LARGE1: variants seen among roughly 807,000 people sequenced by gnomAD.
LARGE1 encodes the protein xylosyl- and glucuronyltransferase LARGE1.
LARGE1 carries 43 observed loss-of-function variants against 87.6 expected under a neutral mutation model. That is an observed-to-expected ratio of 0.49 (90% CI 0.38 to 0.63). The LOEUF (loss-of-function observed/expected upper bound fraction) is 0.63. Ranked by LOEUF, LARGE1 falls within the 30% of genes least tolerant of loss-of-function variation. The probability of loss-of-function intolerance (pLI) is 0.00; values close to 1 mark genes in which losing one functional copy is unlikely to be tolerated. For missense variants in LARGE1, 802 were observed against 1,000.2 expected (o/e 0.80, Z 2.67); for synonymous variants, 434 against 394.6 (o/e 1.10, Z -1.18).
intron 1 of LARGE1, among the ~76,000 whole-genome samples, chr22:33,824,958 T>C (rs936103545): frequency 3.3e-5 from 5 of 152,210 alleles, no homozygotes; most frequent in African/African-American, 1.2e-4. Flanking sequence ...AATGCTATGT[T>C]CTACTACAGC....
intron 11 of LARGE1, among the ~76,000 whole-genome samples, chr22:33,267,139 C>G (rs1327689238): frequency 6.6e-6 from 1 of 151,646 alleles, no homozygotes; most frequent in Admixed American, 6.6e-5. Context: ...ACTCAGGAGG[C>G]TGAGGTACAA....
chr22:33,264,358 A>C (rs1355874109), intron 11 of LARGE1, among the ~76,000 whole-genome samples: 1 of 152,232 alleles, frequency 6.6e-6, no homozygotes, highest in Admixed American at 6.5e-5. Context: ...GCTTCTCCAT[A>C]GGAGGCACAC....
chr22:33,564,990 A>G lies in LARGE1; in HGVS notation c.645T>C (p.His215=), dbSNP rs746648829. Reference sequence around the variant, plus strand: ...TCATCAGACCATAAATCCCAGAGTAATGTTTATTGGGGATCCAGGAAACTT... The same window carrying G: ...TCATCAGACCATAAATCCCAGAGTAGTGTTTATTGGGGATCCAGGAAACTT... ...KSEVSWIPNK[H]YSGIYGLMKL... Residue 215 remains histidine (H), a synonymous_variant, in exon 6 of 15, where the codon CAT becomes CAC. Coordinates refer to ENST00000397394, the MANE Select transcript of LARGE1 (RefSeq NM_133642.5). 1 of 1,614,178 alleles carries G rather than the reference A, an allele frequency of 6.2e-7. No individual in the cohort carries two copies. Among genetic ancestry groups the G allele is most frequent in the Admixed American group, 1.7e-5 (1 of 60,030 alleles).
At chr22:33,094,320 TTGCACTAAGTGATCTTTTTACCAGGG>T in the LARGE1 span, among the ~76,000 whole-genome samples, 1 of 152,194 alleles carries the variant, frequency 6.6e-6, no homozygotes, top group Non-Finnish European at 1.5e-5. Context: ...GCACGGACCG[TTGCACTAAGTGATCTTTTTACCAGGG>T]CCCTGCCTCC....
intron 11 of LARGE1, among the ~76,000 whole-genome samples, chr22:33,267,239 C>A (rs1336509725): frequency 1.3e-5 from 2 of 151,564 alleles, no homozygotes; most frequent in African/African-American, 4.9e-5. Flanking sequence ...GACCCTGTCT[C>A]AAAAGAAAAC....
chr22:33,767,047 C>G (rs2084930595), intron 1 of LARGE1, among the ~76,000 whole-genome samples: 1 of 150,656 alleles, frequency 6.6e-6, no homozygotes, highest in South Asian at 2.1e-4. Flanking sequence ...GGCACAGTGG[C>G]TCACACCTGT....
At chr22:33,915,012 A>AACACACACACACACAC (rs71320998) in intron 1 of LARGE1, among the ~76,000 whole-genome samples, 3 of 139,134 alleles carry the variant, frequency 2.2e-5, no homozygotes, top group African/African-American at 8.1e-5. Context: ...TACAAACACA[A>AACACACACACACACAC]ACACACACAC....
At chr22:33,697,810 T>C (rs1349404908) in intron 2 of LARGE1, among the ~76,000 whole-genome samples, 1 of 152,230 alleles carries the variant, frequency 6.6e-6, no homozygotes, top group African/African-American at 2.4e-5. Flanking sequence ...TGTATTTCTC[T>C]GTCACATCCT....
chr22:33,254,601 C>G (rs1335132600), intron 11 of LARGE1, among the ~76,000 whole-genome samples: 2 of 152,204 alleles, frequency 1.3e-5, no homozygotes, highest in Non-Finnish European at 2.9e-5. Context: ...CTGCCACTTA[C>G]AAGCTGTGTG....
the LARGE1 span, among the ~76,000 whole-genome samples, chr22:33,076,960 C>T: frequency 6.6e-6 from 1 of 152,094 alleles, no homozygotes; most frequent in Non-Finnish European, 1.5e-5. Flanking sequence ...ATCAGACTGC[C>T]AGGGTTCCTA....
intron 2 of LARGE1, among the ~76,000 whole-genome samples, chr22:33,735,460 C>T (rs533055402): frequency 6.6e-5 from 10 of 152,178 alleles, no homozygotes; most frequent in African/African-American, 1.7e-4. Context: ...TACAGAGGTC[C>T]GTCCTAGCTA....
intron 3 of LARGE1, among the ~76,000 whole-genome samples, chr22:33,641,851 G>T (rs986545382): frequency 9.2e-5 from 14 of 152,100 alleles, no homozygotes; most frequent in African/African-American, 3.1e-4. Context: ...GAAAAGTAAT[G>T]AACAAAGCCT....
At chr22:33,777,660 GAGGGGA>G (rs1163678671) in intron 1 of LARGE1, among the ~76,000 whole-genome samples, 69 of 110,032 alleles carry the variant, frequency 6.3e-4, no homozygotes, top group African/African-American at 3.2e-3. Context: ...GGGGGAGGGG[GAGGGGA>G]AGGGGAAGGA....
intron 10 of LARGE1, among the ~76,000 whole-genome samples, chr22:33,327,891 C>T (rs893197490): frequency 6.6e-6 from 1 of 152,140 alleles, no homozygotes; most frequent in African/African-American, 2.4e-5. Flanking sequence ...TGGCACACCA[C>T]AAATGCTTCA....
intron 11 of LARGE1, among the ~76,000 whole-genome samples, chr22:33,253,847 G>C (rs1433199321): frequency 1.3e-5 from 2 of 152,092 alleles, no homozygotes; most frequent in Non-Finnish European, 2.9e-5. Flanking sequence ...CCTATGCCCA[G>C]GGGATGGTGG....
At chr22:33,206,805 A>G (rs1457158049) in intron 11 of LARGE1, among the ~76,000 whole-genome samples, 1 of 152,196 alleles carries the variant, frequency 6.6e-6, no homozygotes, top group Non-Finnish European at 1.5e-5. Flanking sequence ...ACAAGACAAA[A>G]TGATTTTGTT....
chr22:33,364,316 C>T (rs1193429806), intron 9 of LARGE1, among the ~76,000 whole-genome samples: 1 of 152,208 alleles, frequency 6.6e-6, no homozygotes, highest in African/African-American at 2.4e-5. Flanking sequence ...CTCGGCCTCC[C>T]AAAGTGCTGG....
intron 11 of LARGE1, among the ~76,000 whole-genome samples, chr22:33,259,461 C>T (rs1209851356): frequency 6.6e-6 from 1 of 151,876 alleles, no homozygotes; most frequent in Admixed American, 6.6e-5. Context: ...GGTCAACTGC[C>T]TTCCATTTCT....
chr22:33,687,418 C>A (rs1016652727), intron 2 of LARGE1, among the ~76,000 whole-genome samples: 4 of 151,676 alleles, frequency 2.6e-5, no homozygotes, highest in Non-Finnish European at 4.4e-5. Context: ...TCATTACCAG[C>A]CGATAGAACT....
Sources: allele counts gnomAD v4.1 joint callset (sites outside exome capture counted in the v4.1 genomes callset), GRCh38; gene constraint gnomAD v4.1.1; transcripts MANE v1.5; gene names NCBI Gene and HGNC (gene_info 2026-07-23, HGNC 2026-07-21).